The following DLC1 variants were observed in gnomAD, a reference collection of about 807,000 sequenced individuals.
DLC1 encodes DLC1 Rho GTPase activating protein, also known as rho GTPase-activating protein 7.
In DLC1, 54 loss-of-function variants were observed where a neutral mutation model predicts 140.3. The ratio of observed to expected loss-of-function variants is 0.38; its 90% CI spans 0.31 to 0.48. DLC1 has a LOEUF of 0.48. Ranked by LOEUF, DLC1 falls within the 20% of genes least tolerant of loss-of-function variation. DLC1 has a pLI of 0.96. For synonymous variants in DLC1, 986 were observed against 728.1 expected (o/e 1.35, Z -5.70); for missense variants, 2,536 against 1,907.0 (o/e 1.33, Z -6.14).
chr8:13,435,743 A>C (rs1585103566), intron 2 of DLC1, among the ~76,000 whole-genome samples: 1 of 152,222 alleles, frequency 6.6e-6, no homozygotes, highest in East Asian at 1.9e-4. Context: ...TTAGTTGACA[A>C]AGGAGTGGGA....
At chr8:13,359,452 A>G (rs1199722348) in intron 4 of DLC1, among the ~76,000 whole-genome samples, 1 of 152,162 alleles carries the variant, frequency 6.6e-6, no homozygotes, top group African/African-American at 2.4e-5. Context: ...CAGTTCTGCT[A>G]ATAATATGCA....
intron 4 of DLC1, among the ~76,000 whole-genome samples, chr8:13,324,625 T>G (rs1411740202): frequency 6.6e-6 from 1 of 151,956 alleles, no homozygotes; most frequent in African/African-American, 2.4e-5. Flanking sequence ...ATGATATAGT[T>G]TTATTTTACT....
chr8:13,498,169 C>T (rs1481160783), intron 2 of DLC1, among the ~76,000 whole-genome samples: 1 of 152,150 alleles, frequency 6.6e-6, no homozygotes, highest in Non-Finnish European at 1.5e-5. Flanking sequence ...GGGTTTCTTC[C>T]ATGCCATTGG....
intron 2 of DLC1, among the ~76,000 whole-genome samples, chr8:13,449,452 T>C (rs1302608753): frequency 2.6e-5 from 4 of 152,184 alleles, no homozygotes; most frequent in Admixed American, 6.6e-5. Context: ...TGCAAACTTT[T>C]ATCTATTATG....
At chr8:13,402,328 T>C (rs769352258) in intron 2 of DLC1, among the ~76,000 whole-genome samples, 7 of 152,240 alleles carry the variant, frequency 4.6e-5, no homozygotes, top group Non-Finnish European at 8.8e-5. Flanking sequence ...AAGCTTCTCA[T>C]AGAGCATATA....
Position 13,090,335 on chromosome 8 carries a change from C to T in DLC1, c.3991G>A (p.Gly1331Ser). ...TTCTCTTTGACTTCTTTAAACAGGC[C>T]ATCCACACAGTCCTGGAGGAAGTGT... ...YQHFLQDCVDGLFKEVKEKFK... is the reference protein window; with the variant it reads ...YQHFLQDCVDSLFKEVKEKFK... Residue 1331 changes from glycine (G) to serine (S), a missense_variant, in exon 15 of 18, where the codon GGC (glycine) becomes AGC (serine). By Grantham distance (56) the Gly-to-Ser change is moderately conservative (BLOSUM62 0). Coordinates refer to ENST00000276297, the MANE Select transcript of DLC1 (RefSeq NM_182643.3). The T allele has an allele frequency of 6.2e-7, 1 of 1,614,186 alleles. No homozygotes were observed. Among genetic ancestry groups the T allele is most frequent in the Non-Finnish European group, 8.5e-7 (1 of 1,180,036 alleles).
chr8:13,571,852 C>T (rs564911045), intron 1 of DLC1, among the ~76,000 whole-genome samples: 30 of 152,268 alleles, frequency 2.0e-4, no homozygotes, highest in African/African-American at 5.8e-4. Context: ...GATTTTTTCA[C>T]GTCCTTGCCA....
At chr8:13,137,587 A>G (rs1393366463) in intron 5 of DLC1, among the ~76,000 whole-genome samples, 1 of 142,796 alleles carries the variant, frequency 7.0e-6, no homozygotes, top group African/African-American at 2.6e-5. Flanking sequence ...CAGCTTGGAC[A>G]TCAGTTTTTG....
chr8:13,580,324 T>C (rs1373035418), intron 1 of DLC1, among the ~76,000 whole-genome samples: 2 of 152,068 alleles, frequency 1.3e-5, no homozygotes, highest in Non-Finnish European at 2.9e-5. Context: ...GGTTTCGCCG[T>C]GTTAGCCAGG....
chr8:13,598,984 A>G (rs778841749), intron 1 of DLC1, among the ~76,000 whole-genome samples: 1 of 151,940 alleles, frequency 6.6e-6, no homozygotes, highest in Non-Finnish European at 1.5e-5. Flanking sequence ...TGAGAAAAAT[A>G]ATGGCATTAA....
chr8:13,404,757 G>A (rs117801057), intron 2 of DLC1, among the ~76,000 whole-genome samples: 8 of 152,130 alleles, frequency 5.3e-5, no homozygotes, highest in South Asian at 2.1e-4. Context: ...TAGCATTTTG[G>A]GAGGCAGAGG....
intron 4 of DLC1, chr8:13,353,326 G>C (rs1199447238): frequency 6.6e-6 from 1 of 152,130 alleles, no homozygotes; most frequent in Non-Finnish European, 1.5e-5. Context: ...GTCAGAAGGA[G>C]AAAATGTGTT....
chr8:13,232,087 A>C (rs1484398180), intron 5 of DLC1, among the ~76,000 whole-genome samples: 3 of 152,014 alleles, frequency 2.0e-5, no homozygotes, highest in Admixed American at 2.0e-4. Context: ...TGAAATAAGG[A>C]GGTGGCTTCA....
intron 5 of DLC1, among the ~76,000 whole-genome samples, chr8:13,151,922 C>T (rs1823850087): frequency 1.3e-5 from 2 of 152,070 alleles, no homozygotes; most frequent in South Asian, 2.1e-4. Flanking sequence ...TGAATAAATG[C>T]TGTTGCATTC....
chr8:13,298,191 G>T (rs1425316850), intron 5 of DLC1, among the ~76,000 whole-genome samples: 1 of 152,058 alleles, frequency 6.6e-6, no homozygotes, highest in Non-Finnish European at 1.5e-5. Flanking sequence ...AACATTTTAT[G>T]GCCAACCAAA....
chr8:13,244,200 A>T (rs897145928), intron 5 of DLC1, among the ~76,000 whole-genome samples: 21 of 152,122 alleles, frequency 1.4e-4, no homozygotes, highest in Non-Finnish European at 2.6e-4. Flanking sequence ...TTTCTCTTAG[A>T]TACTTACAGT....
Position 13,499,749 on chromosome 8 carries a change from A to T in DLC1, c.323T>A (p.Val108Glu). Residue 108 changes from valine (V) to glutamate (E), a missense_variant, in exon 2 of 18, where the codon GTG becomes GAG. By Grantham distance (121) the Val-to-Glu change is moderately radical. Transcript: ENST00000276297. The part of the protein sequence containing the change: ...LSLEASTETL[V>E]HVSDEDNNAD... ...ATTGTTATCCTCATCAGAAACATGC[A>T]CTAGTGTTTCTGTGCTGGCTTCCAG... is the stretch of plus-strand genomic sequence containing the variant. The T allele has an allele frequency of 6.2e-7, 1 of 1,614,090 alleles. No homozygotes were observed. The highest frequency in any genetic ancestry group is 1.1e-5 in the South Asian group (1 of 91,084).
intron 5 of DLC1, among the ~76,000 whole-genome samples, chr8:13,182,998 G>A (rs1826130036): frequency 6.6e-6 from 1 of 152,180 alleles, no homozygotes; most frequent in African/African-American, 2.4e-5. Flanking sequence ...ATTTCGTTGA[G>A]CAGTGGTTTG....
At chr8:13,512,016 T>C (rs1433034487) in intron 1 of DLC1, among the ~76,000 whole-genome samples, 1 of 152,072 alleles carries the variant, frequency 6.6e-6, no homozygotes, top group Non-Finnish European at 1.5e-5. Context: ...GAGAAAAAAT[T>C]CTTTTTTTTA....
Sources: allele counts gnomAD v4.1 joint callset (sites outside exome capture counted in the v4.1 genomes callset), GRCh38; gene constraint gnomAD v4.1.1; transcripts MANE v1.5; gene names NCBI Gene and HGNC (gene_info 2026-07-23, HGNC 2026-07-21).